Variants in C5 observed in about 807,000 individuals in gnomAD.
C5 encodes C3 and PZP-like alpha-2-macroglobulin domain-containing protein 4.
Under a neutral mutation model 218.8 loss-of-function variants are expected in C5, and 140 were observed. The observed-to-expected ratio is 0.64, with a 90% CI of 0.56 to 0.74. The LOEUF (loss-of-function observed/expected upper bound fraction) is 0.74, where lower values mean the gene tolerates loss of function less well. Among genes scored for constraint, C5 ranks in the 30% least tolerant of loss-of-function variants. The pLI, the probability that C5 is intolerant of heterozygous loss-of-function variation, is 0.00. For missense variants in C5, 1,700 were observed against 1,969.6 expected (o/e 0.86, Z 2.59); for synonymous variants, 614 against 682.3 (o/e 0.90, Z 1.56).
Position 120,981,128 on chromosome 9 carries a change from G to A in C5, c.3486+716C>T, listed in dbSNP as rs41311917. Among the ~76,000 whole-genome samples the A allele has an allele frequency of 8.5e-3, 1,296 of 152,322 alleles. 15 individuals are homozygous for A. Among genetic ancestry groups the A allele is most frequent in the African/African-American group, 0.029 (1,216 of 41,572 alleles). On this transcript the variant is annotated intron_variant, in intron 27 of 40. Transcript: ENST00000223642. ...AGTGGGCCAGCAGAAAGCCTGCTGC[G>A]ATGCTGCTAACATCCTGCCTGCCTC...
intron 33 of C5, among the ~76,000 whole-genome samples, chr9:120,965,602 C>T (rs2046861597): frequency 6.6e-6 from 1 of 151,800 alleles, no homozygotes; most frequent in South Asian, 2.1e-4. Context: ...TAATATTTGC[C>T]ACAATAAAGA....
intron 11 of C5, among the ~76,000 whole-genome samples, chr9:121,020,587 C>T (rs2047356420): frequency 6.6e-6 from 1 of 152,192 alleles, no homozygotes; most frequent in Non-Finnish European, 1.5e-5. Context: ...GGGACAGGAG[C>T]TATGAACGAA....
chr9:120,982,850 C>A (rs367921531), intron 25 of C5, 36 bp from the exon 26 acceptor site: 2 of 1,184,740 alleles, frequency 1.7e-6, no homozygotes, highest in South Asian at 2.6e-5. Flanking sequence ...ATATTTAGAA[C>A]GCTGAATCCC....
At chr9:121,043,281 T>G in intron 2 of C5, 115 bp from the exon 3 acceptor site, 1 of 882,834 alleles carries the variant, frequency 1.1e-6, no homozygotes, top group Non-Finnish European at 1.8e-6. Flanking sequence ...ATGTAATCAT[T>G]TAAAAAGTGA....
intron 27 of C5, 148 bp from the exon 28 acceptor site, chr9:120,980,402 A>G (rs2046983512): frequency 1.4e-6 from 1 of 713,694 alleles, no homozygotes; most frequent in South Asian, 1.5e-5. Context: ...CTTCTCAGTG[A>G]AGCAAATCCC....
chr9:120,996,018 T>C (rs992524669), intron 22 of C5, among the ~76,000 whole-genome samples: 2 of 151,866 alleles, frequency 1.3e-5, no homozygotes, highest in Non-Finnish European at 2.9e-5. Flanking sequence ...AGGGTTTCAC[T>C]ATGTTGGCCA....
chr9:120,976,962 T>C, intron 28 of C5, 57 bp from the exon 29 acceptor site: 3 of 1,463,484 alleles, frequency 2.0e-6, no homozygotes, highest in Non-Finnish European at 1.9e-6. Context: ...TTTGACATAA[T>C]AATTCTACCA....
chr9:120,989,146 C>T (rs749683231), intron 24 of C5, 25 bp from the exon 25 acceptor site: 53 of 1,562,486 alleles, frequency 3.4e-5, no homozygotes, highest in African/African-American at 5.4e-5. Context: ...AAAAAGAACA[C>T]GGTGCTTAAC....
chr9:121,024,236 G>GC (rs1564156405), intron 9 of C5, among the ~76,000 whole-genome samples: 1 of 4,142 alleles, frequency 2.4e-4, no homozygotes, highest in Non-Finnish European at 5.1e-4. Flanking sequence ...AGGGAGGGGA[G>GC]GGGAGGGGGG....
intron 2 of C5, among the ~76,000 whole-genome samples, chr9:121,045,846 A>G (rs1372918980): frequency 6.6e-6 from 1 of 152,168 alleles, no homozygotes; most frequent in Non-Finnish European, 1.5e-5. Context: ...TACTACAGAT[A>G]AAATCATACT....
At chr9:120,962,821 T>C in intron 35 of C5, 45 bp from the exon 36 acceptor site, 1 of 1,599,338 alleles carries the variant, frequency 6.3e-7, no homozygotes, top group Non-Finnish European at 8.6e-7. Context: ...GGAGAGATGA[T>C]ATTTATAATC....
intron 17 of C5, among the ~76,000 whole-genome samples, chr9:121,013,318 G>GGAAAAA (rs775252391): frequency 0.1 from 10,194 of 99,058 alleles, 442 homozygotes; most frequent in Non-Finnish European, 0.14. Flanking sequence ...GATTCCTACT[G>GGAAAAA]AAAAAAAAAA....
intron 3 of C5, among the ~76,000 whole-genome samples, chr9:121,039,976 T>C (rs2047563116): frequency 6.6e-6 from 1 of 152,232 alleles, no homozygotes; most frequent in African/African-American, 2.4e-5. Context: ...TGCTACGTAC[T>C]GAGATACAGT....
upstream of C5, among the ~76,000 whole-genome samples, chr9:121,053,709 A>G (rs544179185): frequency 6.6e-6 from 1 of 152,164 alleles, no homozygotes. Context: ...AGCAGGAAAG[A>G]GAATCCGTGT....
At chr9:121,011,835 G>C (rs1476877490) in intron 17 of C5, among the ~76,000 whole-genome samples, 1 of 152,180 alleles carries the variant, frequency 6.6e-6, no homozygotes, top group East Asian at 1.9e-4. Context: ...AATATGGATG[G>C]AACTGGAGGT....
rs1449577765 is a variant in C5 at position 120,952,626 on chromosome 9, G to A, written c.*113C>T. On this transcript the variant is annotated 3_prime_UTR_variant, in exon 41 of 41. Coordinates refer to ENST00000223642, the MANE Select transcript of C5 (RefSeq NM_001735.3). ...GTGCCACTAATTCTAAGTAAAGTGAGCTTTACAAATAAGACCAGCTATGAA... is the reference window on the plus strand; with the variant it reads ...GTGCCACTAATTCTAAGTAAAGTGAACTTTACAAATAAGACCAGCTATGAA... The A allele has an allele frequency of 1.9e-6, 2 of 1,046,588 alleles. No homozygotes were observed. The highest frequency in any genetic ancestry group is 3.2e-5 in the African/African-American group (2 of 62,824). 64.8% of individuals were successfully genotyped at this position (1,046,588 alleles called of 1,614,324 possible). A position where few individuals can be genotyped will look rare whatever the true frequency, so the allele number is the denominator to read the frequency against.
At chr9:121,009,756 G>C (rs922873082) in intron 17 of C5, among the ~76,000 whole-genome samples, 1 of 152,204 alleles carries the variant, frequency 6.6e-6, no homozygotes, top group African/African-American at 2.4e-5. Flanking sequence ...ACATTGAAGA[G>C]GGCAGGAAAG....
intron 12 of C5, among the ~76,000 whole-genome samples, chr9:121,018,115 T>C (rs2047324728): frequency 1.3e-5 from 2 of 150,690 alleles, no homozygotes; most frequent in Non-Finnish European, 3.0e-5. Context: ...TAGCCAGGCA[T>C]GGTGGTGCAT....
intron 20 of C5, among the ~76,000 whole-genome samples, chr9:120,998,572 A>G (rs977588243): frequency 1.3e-5 from 2 of 152,178 alleles, no homozygotes; most frequent in Non-Finnish European, 2.9e-5. Flanking sequence ...TCCCCAGCTT[A>G]CTTTTCTAAT....
Sources: allele counts gnomAD v4.1 joint callset (sites outside exome capture counted in the v4.1 genomes callset), GRCh38; gene constraint gnomAD v4.1.1; transcripts MANE v1.5; gene names NCBI Gene and HGNC (gene_info 2026-07-23, HGNC 2026-07-21).